Variants in RIF1 observed in about 807,000 individuals in gnomAD.
RIF1 encodes replication timing regulatory factor 1, also known as telomere-associated protein RIF1.
RIF1 carries 45 observed loss-of-function variants against 247.1 expected under a neutral mutation model. That is an observed-to-expected ratio of 0.18 (90% confidence interval 0.14 to 0.23). The LOEUF (loss-of-function observed/expected upper bound fraction) is 0.23, where lower values mean the gene tolerates loss of function less well. Ranked by LOEUF, RIF1 falls within the 10% of genes least tolerant of loss-of-function variation. The pLI is 1.00. For synonymous variants in RIF1, 1,087 were observed against 978.8 expected (o/e 1.11, Z -2.06); for missense variants, 2,967 against 2,862.5 (o/e 1.04, Z -0.83).
rs537480755 is a variant in RIF1 at position 151,491,915 on chromosome 2, AGAG to A, written c.*416-3310_*416-3308del. The A allele has an allele frequency of 1.4e-4, 133 of 950,876 alleles. 2 individuals are homozygous for A. In the African/African-American group the frequency reaches 1.8e-3, roughly 13 times the overall value. The allele number at this position is 950,876 out of a possible 1,614,324, so 58.9% of individuals were successfully genotyped here. A position where few individuals can be genotyped will look rare whatever the true frequency, so the allele number is the denominator to read the frequency against. ...AGGTTCTGGGTCATGTCTTTTCCTC[AGAG>A]GAGAACAAAGATAAGGTAGAAATCA... On this transcript the variant is annotated intron_variant and NMD_transcript_variant, in intron 9 of 13. Coordinates refer to the RIF1 transcript ENST00000454583.
At chr2:151,492,082 A>T in intron 9 of RIF1, 3 of 1,612,770 alleles carry the variant, frequency 1.9e-6, no homozygotes, top group Non-Finnish European at 2.5e-6. Context: ...CCCTCCCCCA[A>T]CCCAGGCTCA....
Position 151,507,987 on chromosome 2 carries a change from C to T in RIF1, c.*1286C>T, listed in dbSNP as rs1404827385. The stretch of plus-strand genomic sequence containing the variant: ...CTAGGTGCCTGTGGGCTGTGCCTTA[C>T]ATTTAATAAAAACTTACAAGGCTGA... On this transcript the variant is annotated 3_prime_UTR_variant and NMD_transcript_variant, in exon 14 of 14. Transcript: ENST00000454583. 6 of 1,570,880 alleles carry T rather than the reference C, an allele frequency of 3.8e-6. No homozygotes were observed. The highest frequency in any genetic ancestry group is 2.7e-5 in the African/African-American group (2 of 74,154).
intron 9 of RIF1, chr2:151,492,943 C>G (rs2057717618): frequency 5.4e-6 from 1 of 185,278 alleles, no homozygotes; most frequent in African/African-American, 2.4e-5. Context: ...CACTAAAACC[C>G]CAAAATATAT....
At chr2:151,424,284 A>G (rs953582213) in intron 8 of RIF1, among the ~76,000 whole-genome samples, 5 of 152,050 alleles carry the variant, frequency 3.3e-5, no homozygotes, top group African/African-American at 1.2e-4. Flanking sequence ...TTGTGTTTTT[A>G]GTAGAGATAG....
chr2:151,524,604 T>C, the RIF1 span: 2 of 1,613,766 alleles, frequency 1.2e-6, no homozygotes, highest in East Asian at 2.2e-5. Context: ...TTGGCATCTT[T>C]TCTGTAAGCG....
chr2:151,450,091 C>T (rs895433245), intron 20 of RIF1, among the ~76,000 whole-genome samples: 3 of 152,090 alleles, frequency 2.0e-5, no homozygotes, highest in Non-Finnish European at 4.4e-5. Context: ...TTCTGCCTGC[C>T]TTGGCCTCCC....
downstream of RIF1, chr2:151,512,730 T>A: frequency 6.2e-7 from 1 of 1,609,292 alleles, no homozygotes; most frequent in South Asian, 1.1e-5. Flanking sequence ...CGAATGTCCT[T>A]ACCTGGCTTG....
At chr2:151,491,954 C>G (rs996590364) in intron 9 of RIF1, 43 of 1,046,598 alleles carry the variant, frequency 4.1e-5, no homozygotes, top group Non-Finnish European at 5.5e-5. Context: ...GCTTTGTAAA[C>G]TATGAGATAA....
rs1210766406 is a variant in RIF1 at position 151,464,767 on chromosome 2, A to G, written c.5247A>G (p.Leu1749=). ...CTCAGGAAAAGTCACTCATTGGGTT[A>G]AAGAATACAGAAAATAATGACGTAG... ...SQPQEKSLIG[L]KNTENNDVEI... Residue 1749 remains leucine, a synonymous_variant, in exon 30 of 36, where the codon TTA becomes TTG. Transcript: ENST00000444746. The G allele has an allele frequency of 6.2e-7, 1 of 1,613,914 alleles. No homozygotes were observed. Among genetic ancestry groups the G allele is most frequent in the East Asian group, 2.2e-5 (1 of 44,882 alleles).
At chr2:151,512,030 T>C (rs1039097677), downstream of RIF1, among the ~76,000 whole-genome samples, 1,709 of 133,454 alleles carry the variant, frequency 0.013, 28 homozygotes, top group Middle Eastern at 0.03. Context: ...TTTTTTTTTT[T>C]TTTTTTTTTT....
At position 151,454,996 on chromosome 2, in the gene RIF1, A is replaced by G. The variant is rs1330594409; in HGVS notation, c.2446A>G (p.Thr816Ala). The G allele has an allele frequency of 1.2e-6, 2 of 1,613,894 alleles. No individual in the cohort carries two copies. Among genetic ancestry groups the G allele is most frequent in the Admixed American group, 3.3e-5 (2 of 60,012 alleles). ...TGTGAAAGTGATCTATTCTTTCCAC[A>G]CACTGAGCTTCAAGGAAGCACATTC... ...LIVKVIYSFH[T>A]LSFKEAHSDT... is the part of the protein sequence containing the mutation. The change falls in exon 22 of 36, where the codon ACA becomes GCA. Residue 816 changes from threonine to alanine, a missense_variant. Coordinates refer to ENST00000444746, the MANE Select transcript of RIF1 (RefSeq NM_018151.5).
intron 9 of RIF1, among the ~76,000 whole-genome samples, chr2:151,490,774 G>A (rs1390727726): frequency 6.6e-6 from 1 of 152,124 alleles, no homozygotes; most frequent in East Asian, 1.9e-4. Flanking sequence ...GAGTCTATTT[G>A]TAACATCTCC....
At chr2:151,435,760 G>A (rs551169641) in intron 11 of RIF1, among the ~76,000 whole-genome samples, 180 bp downstream of exon 11, 9 of 148,828 alleles carry the variant, frequency 6.0e-5, no homozygotes, top group Non-Finnish European at 1.3e-4. Context: ...ATGTTTTTCT[G>A]TTTTTTGTTT....
intron 9 of RIF1, chr2:151,495,207 C>T (rs959387353): frequency 1.3e-5 from 2 of 152,202 alleles, no homozygotes; most frequent in Non-Finnish European, 2.9e-5. Context: ...GATAAATCCT[C>T]AACCTCGGTA....
In RIF1 at chr2:151,445,383, G is replaced by A. The variant is rs1254906122; in HGVS notation, c.2032G>A (p.Ala678Thr). Residue 678 changes from alanine to threonine, a missense_variant, in exon 19 of 36, where the codon GCC (alanine) becomes ACC (threonine). Coordinates refer to ENST00000444746, the MANE Select transcript of RIF1 (RefSeq NM_018151.5). ...TGATGCCTTAGAACATAATTTTAGT[G>A]CCATCTATGGTGCATTGACTTTACC... ...QGDALEHNFSAIYGALTLPVN... is the reference protein window; with the variant it reads ...QGDALEHNFSTIYGALTLPVN... 1 of 1,610,500 alleles carries A rather than the reference G, an allele frequency of 6.2e-7. No homozygotes were observed. Among genetic ancestry groups the A allele is most frequent in the Non-Finnish European group, 8.5e-7 (1 of 1,176,828 alleles).
downstream of RIF1, chr2:151,512,608 C>T (rs1448891170): frequency 2.6e-6 from 2 of 774,554 alleles, no homozygotes. Context: ...GCCACTGCAC[C>T]TGGTGAATCT....
intron 9 of RIF1, chr2:151,490,434 G>C: frequency 6.2e-7 from 1 of 1,603,776 alleles, no homozygotes; most frequent in East Asian, 2.2e-5. Context: ...TGGTGCTTCT[G>C]AATGCTCAGA....
At chr2:151,416,525 C>G (rs1310819398) in intron 4 of RIF1, 36 bp from the exon 5 acceptor site, 2 of 1,548,308 alleles carry the variant, frequency 1.3e-6, no homozygotes, top group East Asian at 2.3e-5. Flanking sequence ...AGAGTATCAC[C>G]TATTCTATAC....
In RIF1 at chr2:151,465,054, A is replaced by G; in HGVS notation, c.5534A>G (p.Glu1845Gly). 6.3e-7 allele frequency: 1 copy of G among 1,591,306 alleles called. No individual in the cohort carries two copies. Among genetic ancestry groups the G allele is most frequent in the Non-Finnish European group, 8.5e-7 (1 of 1,174,324 alleles). ...GAAATTTGTGATATGGATTCTAGTGAAGCAATGTCTCTTGAAAGCCAGGAG... is the reference window on the plus strand; with the variant it reads ...GAAATTTGTGATATGGATTCTAGTGGAGCAATGTCTCTTGAAAGCCAGGAG... Reference protein sequence around the residue: ...REEICDMDSSEAMSLESQESP... With the variant: ...REEICDMDSSGAMSLESQESP... Residue 1845 changes from glutamate (E) to glycine (G), a missense_variant, in exon 30 of 36, where the codon GAA (glutamate) becomes GGA (glycine). Glu to Gly is a moderately conservative substitution (Grantham distance 98, BLOSUM62 -2). Transcript: ENST00000444746.
Sources: gnomAD v4.1 joint callset for allele counts (sites outside exome capture counted in the v4.1 genomes callset) on GRCh38, gnomAD v4.1.1 for gene constraint, MANE v1.5 for transcripts, NCBI Gene and HGNC (gene_info 2026-07-23, HGNC 2026-07-21) for gene names.